Variants in METTL2B observed in about 807,000 individuals in gnomAD.
METTL2B encodes the protein methyltransferase 2B, tRNA N3-cytidine.
A neutral mutation model predicts 51.0 loss-of-function variants in METTL2B; 28 were observed. The ratio of observed to expected loss-of-function variants is 0.55; its 90% CI spans 0.41 to 0.75. The LOEUF (loss-of-function observed/expected upper bound fraction) is 0.75. METTL2B is among the 30% of genes least tolerant of loss of function. The pLI is 0.00. For synonymous variants in METTL2B, 128 were observed against 166.3 expected (o/e 0.77, Z 1.77); for missense variants, 313 against 460.7 (o/e 0.68, Z 2.93).
In METTL2B at chr7:128,493,559, A is replaced by G. The variant is rs187953123; in HGVS notation, c.670-245A>G. ...CACAATTACTTTTTCACCAATCTAT[A>G]TAATGATTAGAAATATATCCCCTAC... is the stretch of plus-strand genomic sequence containing the variant. On this transcript the variant is annotated intron_variant, in intron 5 of 8. Transcript: ENST00000262432. Among the ~76,000 whole-genome samples, 1,101 of 152,248 alleles carry G rather than the reference A, an allele frequency of 7.2e-3. 12 individuals carry two copies. Among genetic ancestry groups the G allele is most frequent in the African/African-American group, 0.025 (1,050 of 41,550 alleles).
In METTL2B at chr7:128,505,691, A is replaced by T. The variant is rs1343561654; in HGVS notation, c.*3775A>T. 6.6e-6 allele frequency: 1 copy of T among 152,198 alleles called. No individual in the cohort carries two copies. Among genetic ancestry groups the T allele is most frequent in the African/African-American group, 2.4e-5 (1 of 41,448 alleles). The allele number at this position is 152,198 out of a possible 1,614,324, so 9.4% of individuals were successfully genotyped here. On this transcript the variant is annotated 3_prime_UTR_variant, in exon 9 of 9. Transcript: ENST00000262432. ...TCTATTGCTGTTTTTTGTCTGAATAACTATGATAGTTGCCAAATAGTGGTT... is the reference window on the plus strand; with the variant it reads ...TCTATTGCTGTTTTTTGTCTGAATATCTATGATAGTTGCCAAATAGTGGTT...
chr7:128,477,018 C>T, intron 1 of METTL2B, 64 bp from the exon 2 acceptor site: 1 of 1,551,650 alleles, frequency 6.4e-7, no homozygotes. Context: ...ACTCCTAGGC[C>T]AGCGACTCAC....
intron 3 of METTL2B, among the ~76,000 whole-genome samples, 194 bp downstream of exon 3, chr7:128,479,707 G>T (rs1312148513): frequency 3.9e-5 from 6 of 152,208 alleles, no homozygotes; most frequent in African/African-American, 1.4e-4. Flanking sequence ...ATATCTGGTG[G>T]TCATCACAGA....
Position 128,479,924 on chromosome 7 carries a change from G to C in METTL2B, c.558+411G>C, listed in dbSNP as rs1178047882. ...GGAGAGGGTAGTTAGGATGGTGCCT[G>C]TTTCTTAGGCCTGGGATAATTCTCT... On this transcript the variant is annotated intron_variant, in intron 3 of 8. Transcript: ENST00000262432. Among the ~76,000 whole-genome samples the C allele has an allele frequency of 5.3e-5, 8 of 152,310 alleles. No individual in the cohort carries two copies. In the East Asian group the frequency reaches 1.5e-3, roughly 29 times the overall value.
chr7:128,488,690 G>A lies in METTL2B; in HGVS notation c.669+529G>A, dbSNP rs1584792915. 9.0e-6 allele frequency: 3 copies of A among 332,724 alleles called. No homozygotes were observed. In the East Asian group the frequency reaches 2.3e-4, roughly 25 times the overall value. The allele number at this position is 332,724 out of a possible 1,614,324, so 20.6% of individuals were successfully genotyped here. On this transcript the variant is annotated intron_variant, in intron 5 of 8. Transcript: ENST00000262432. ...CAATTAGGCCACTTCATACTCTACAGTGTCCTCTGTGTGCTCAAGTGAAAG... is the reference window on the plus strand; with the variant it reads ...CAATTAGGCCACTTCATACTCTACAATGTCCTCTGTGTGCTCAAGTGAAAG...
chr7:128,490,975 A>G (rs1792817833), intron 5 of METTL2B, among the ~76,000 whole-genome samples: 1 of 151,800 alleles, frequency 6.6e-6, no homozygotes, highest in Admixed American at 6.6e-5. Context: ...AGCCTGACCA[A>G]TATGGTGAAA....
chr7:128,488,243 T>C, intron 5 of METTL2B, 82 bp downstream of exon 5: 2 of 1,457,894 alleles, frequency 1.4e-6, no homozygotes, highest in South Asian at 2.4e-5. Context: ...GGTCTCTGGC[T>C]GTGTTCTTAT....
At chr7:128,486,913 G>A (rs564370751) in intron 4 of METTL2B, among the ~76,000 whole-genome samples, 11 of 152,324 alleles carry the variant, frequency 7.2e-5, no homozygotes, top group East Asian at 1.9e-4. Context: ...AACTTAGCCC[G>A]TGACCTTAAT....
rs1199661495 is a variant in METTL2B at position 128,503,736 on chromosome 7, G to A, written c.*1820G>A. The A allele has an allele frequency of 1.3e-5, 2 of 152,144 alleles. No individual in the cohort carries two copies. Among genetic ancestry groups the A allele is most frequent in the African/African-American group, 2.4e-5 (1 of 41,412 alleles). The allele number at this position is 152,144 out of a possible 1,614,324, so 9.4% of individuals were successfully genotyped here. On this transcript the variant is annotated 3_prime_UTR_variant, in exon 9 of 9. Transcript: ENST00000262432. ...TTTTCGACCAGGCATGGCGGCTCAC[G>A]CCTATAATCCCAGCACTTTGGGAGG...
chr7:128,487,613 G>C (rs1792740857), intron 4 of METTL2B, among the ~76,000 whole-genome samples: 1 of 152,190 alleles, frequency 6.6e-6, no homozygotes. Context: ...CAGCATCTAA[G>C]ATAATACACA....
At chr7:128,484,695 C>T (rs1211835619) in intron 4 of METTL2B, among the ~76,000 whole-genome samples, 5 of 151,930 alleles carry the variant, frequency 3.3e-5, no homozygotes, top group Non-Finnish European at 5.9e-5. Flanking sequence ...CAGTTTCAAG[C>T]GATTCTCCTG....
At chr7:128,492,242 C>T (rs1435600972) in intron 5 of METTL2B, among the ~76,000 whole-genome samples, 1 of 151,648 alleles carries the variant, frequency 6.6e-6, no homozygotes, top group Non-Finnish European at 1.5e-5. Flanking sequence ...CTGCAACCTC[C>T]GCCTCCCAGG....
At chr7:128,477,213 G>T in intron 2 of METTL2B, 40 bp downstream of exon 2, 2 of 1,612,484 alleles carry the variant, frequency 1.2e-6, no homozygotes, top group East Asian at 2.2e-5. Flanking sequence ...AACAGCCAGC[G>T]TACTGCCGAA....
rs1474375474 is a variant in METTL2B, at chr7:128,505,841, T to C, written c.*3925T>C. On this transcript the variant is annotated 3_prime_UTR_variant, in exon 9 of 9. Coordinates refer to ENST00000262432, the MANE Select transcript of METTL2B (RefSeq NM_018396.3). ...TTGAGTTTCTTGTGGGGTTATTTGT[T>C]GTTGTTTTTGAGACAGGCTCACCCA... The C allele has an allele frequency of 2.0e-5, 3 of 152,134 alleles. No individual in the cohort carries two copies. The highest frequency in any genetic ancestry group is 7.2e-5 in the African/African-American group (3 of 41,436). The allele number at this position is 152,134 out of a possible 1,614,324, so 9.4% of individuals were successfully genotyped here.
chr7:128,497,674 G>A (rs1036964798), intron 6 of METTL2B, among the ~76,000 whole-genome samples: 17 of 152,256 alleles, frequency 1.1e-4, no homozygotes, highest in African/African-American at 4.1e-4. Flanking sequence ...GTAGAGACGG[G>A]GTTTCACCGT....
At chr7:128,499,803 G>A (rs1792996895) in intron 7 of METTL2B, among the ~76,000 whole-genome samples, 1 of 152,232 alleles carries the variant, frequency 6.6e-6, no homozygotes, top group Non-Finnish European at 1.5e-5. Context: ...TTACAGGCGT[G>A]AGCCACTGCT....
intron 6 of METTL2B, among the ~76,000 whole-genome samples, chr7:128,497,641 C>G (rs539997567): frequency 6.6e-6 from 1 of 152,310 alleles, no homozygotes; most frequent in East Asian, 1.9e-4. Flanking sequence ...TGCCACCACG[C>G]CTGGCTACTT....
At chr7:128,497,990 G>T (rs1379572348) in intron 6 of METTL2B, 46 bp from the exon 7 acceptor site, 5 of 1,601,360 alleles carry the variant, frequency 3.1e-6, no homozygotes, top group African/African-American at 2.7e-5. Flanking sequence ...AGAGAACCCT[G>T]TCTTTAAGGA....
Position 128,480,704 on chromosome 7 carries a change from T to G in METTL2B, c.608+8T>G. The stretch of plus-strand genomic sequence containing the variant: ...AATTTTACAAACGAACAAGTAAGTA[T>G]GTTGTAAAAGTTTATGATAGCAAAG... On this transcript the variant is annotated splice_region_variant and intron_variant, in intron 4 of 8. Transcript: ENST00000262432. The G allele has an allele frequency of 6.2e-7, 1 of 1,605,374 alleles. No individual in the cohort carries two copies. Among genetic ancestry groups the G allele is most frequent in the South Asian group, 1.1e-5 (1 of 89,628 alleles).
Sources: allele counts gnomAD v4.1 joint callset (sites outside exome capture counted in the v4.1 genomes callset), GRCh38; gene constraint gnomAD v4.1.1; transcripts MANE v1.5; gene names NCBI Gene and HGNC (gene_info 2026-07-23, HGNC 2026-07-21).